The following RPS6KA5 variants were observed in gnomAD, a reference collection of about 807,000 sequenced individuals.
The protein encoded by RPS6KA5 is ribosomal protein S6 kinase A5.
In RPS6KA5, 27 loss-of-function variants were observed where a neutral mutation model predicts 85.5. That is an observed-to-expected ratio of 0.32 (90% CI 0.23 to 0.44). RPS6KA5 has a LOEUF of 0.44. Ranked by LOEUF, RPS6KA5 falls within the 20% of genes least tolerant of loss-of-function variation. The probability of loss-of-function intolerance (pLI) is 1.00; values close to 1 mark genes in which losing one functional copy is unlikely to be tolerated. For missense variants in RPS6KA5, 811 were observed against 980.9 expected, an observed-to-expected ratio of 0.83 and a Z score of 2.31; for synonymous variants, 334 against 348.2, an observed-to-expected ratio of 0.96 and a Z score of 0.46.
rs1230009512 is a variant in RPS6KA5 at position 90,870,602 on chromosome 14, AG to A, written c.*1471del. The stretch of plus-strand genomic sequence containing the variant: ...TGAAATTAATGCTGCTATAACCTCA[AG>A]AAAGGAATAAATAAATATCATGTCC... On this transcript the variant is annotated 3_prime_UTR_variant, in exon 17 of 17. Coordinates refer to ENST00000614987, the MANE Select transcript of RPS6KA5 (RefSeq NM_004755.4). The A allele has an allele frequency of 1.3e-5, 2 of 152,108 alleles. No individual in the cohort carries two copies. Among genetic ancestry groups the A allele is most frequent in the Non-Finnish European group, 2.9e-5 (2 of 67,976 alleles). 9.4% of individuals were successfully genotyped at this position (152,108 alleles called of 1,614,324 possible).
rs535126454 is a variant in RPS6KA5 at position 90,909,677 on chromosome 14, T to A, written c.807-3378A>T. Among the ~76,000 whole-genome samples, 14 of 152,330 alleles carry A rather than the reference T, an allele frequency of 9.2e-5. No individual in the cohort carries two copies. The East Asian group carries it at 2.7e-3, about 29-fold the overall frequency. Reference sequence around the variant, plus strand: ...GATTGCCTAGCCACATATTACAATGTATCATGAAATGAAATTGTTAAAGTG... The same window carrying A: ...GATTGCCTAGCCACATATTACAATGAATCATGAAATGAAATTGTTAAAGTG... On this transcript the variant is annotated intron_variant, in intron 7 of 16. Transcript: ENST00000614987.
At chr14:90,948,845 G>A (rs973528116) in intron 3 of RPS6KA5, among the ~76,000 whole-genome samples, 6 of 152,140 alleles carry the variant, frequency 3.9e-5, no homozygotes, top group Non-Finnish European at 5.9e-5. Flanking sequence ...TTTGAAAAGC[G>A]TATATCCCAA....
At chr14:90,875,433 A>G in intron 14 of RPS6KA5, 73 bp from the exon 15 acceptor site, 1 of 1,361,356 alleles carries the variant, frequency 7.3e-7, no homozygotes, top group Admixed American at 2.2e-5. Context: ...TCCTAATAGT[A>G]ACGTAACTGG....
rs1444569566 is a variant in RPS6KA5 at position 91,060,510 on chromosome 14, C to T, written c.-76G>A. ...ACAGCGGACGCCCGTCCCCTCGCAG[C>T]CGCTGCCGCGGCCCCAGGAGTCGGG... On this transcript the variant is annotated 5_prime_UTR_variant, in exon 1 of 17. Coordinates refer to ENST00000614987, the MANE Select transcript of RPS6KA5 (RefSeq NM_004755.4). 10 of 1,251,242 alleles carry T rather than the reference C, an allele frequency of 8.0e-6. No homozygotes were observed. Among genetic ancestry groups the T allele is most frequent in the African/African-American group, 1.6e-5 (1 of 64,200 alleles). 77.5% of individuals were successfully genotyped at this position (1,251,242 alleles called of 1,614,324 possible).
At chr14:90,958,162 A>ATAC (rs1438146391) in intron 3 of RPS6KA5, among the ~76,000 whole-genome samples, 4 of 152,054 alleles carry the variant, frequency 2.6e-5, no homozygotes, top group Non-Finnish European at 5.9e-5. Context: ...AATAATAATA[A>ATAC]TAATGAATAA....
chr14:90,919,693 AC>A (rs1178086989), intron 7 of RPS6KA5, among the ~76,000 whole-genome samples: 1 of 152,226 alleles, frequency 6.6e-6, no homozygotes. Context: ...ATAATTATAA[AC>A]AAAAATGCAA....
rs532514873 is a variant in RPS6KA5 at position 90,848,801 on chromosome 14, TAAG to T, written c.*23270_*23272del. On this transcript the variant is annotated 3_prime_UTR_variant, in exon 17 of 17. Transcript: ENST00000614987. ...ATCCAAATTGATGTTTACACCAAAA[TAAG>T]AAGAAATCATCTACTCCCAAAGCAA... The T allele has an allele frequency of 6.6e-6, 1 of 152,182 alleles. No homozygotes were observed. The highest frequency in any genetic ancestry group is 2.4e-5 in the African/African-American group (1 of 41,446). 9.4% of individuals were successfully genotyped at this position (152,182 alleles called of 1,614,324 possible).
chr14:91,056,867 C>CTTTTTT (rs34807092), intron 1 of RPS6KA5, among the ~76,000 whole-genome samples: 527 of 38,922 alleles, frequency 0.014, 88 homozygotes, highest in East Asian at 0.043. Flanking sequence ...GCAGTATTAT[C>CTTTTTT]TTTTTTTTTT....
At chr14:91,041,940 CT>C (rs1230031321) in intron 1 of RPS6KA5, among the ~76,000 whole-genome samples, 1 of 151,894 alleles carries the variant, frequency 6.6e-6, no homozygotes, top group African/African-American at 2.4e-5. Context: ...AACAAACAGG[CT>C]TTTTTTTCCC....
chr14:91,010,130 A>C (rs1225690190), intron 1 of RPS6KA5, among the ~76,000 whole-genome samples: 1 of 152,012 alleles, frequency 6.6e-6, no homozygotes, highest in Non-Finnish European at 1.5e-5. Flanking sequence ...TTTTTACTAC[A>C]TTTTTTACTA....
rs111892203 is a variant in RPS6KA5, at chr14:91,014,798, T to C, written c.104-13639A>G. On this transcript the variant is annotated intron_variant, in intron 1 of 16. Transcript: ENST00000614987. ...GCACTATTGTTAAATATTTCAAGTT[T>C]TTACATATTTGCTTTAATAATGTGA... Among the ~76,000 whole-genome samples the C allele has an allele frequency of 4.3e-3, 648 of 152,252 alleles. 4 individuals carry two copies. The highest frequency in any genetic ancestry group is 0.014 in the African/African-American group (598 of 41,566).
intron 1 of RPS6KA5, among the ~76,000 whole-genome samples, chr14:91,044,631 T>C (rs2139911533): frequency 6.6e-6 from 1 of 152,086 alleles, no homozygotes; most frequent in African/African-American, 2.4e-5. Context: ...TCCAGCACTT[T>C]TGGAGGCCGA....
At chr14:91,037,837 C>T (rs550339791) in intron 1 of RPS6KA5, among the ~76,000 whole-genome samples, 7 of 152,332 alleles carry the variant, frequency 4.6e-5, no homozygotes, top group Admixed American at 4.6e-4. Flanking sequence ...CGCCAGCCCA[C>T]TCCAGGCAAG....
At chr14:90,985,441 T>C (rs1282318199) in intron 2 of RPS6KA5, among the ~76,000 whole-genome samples, 1 of 152,374 alleles carries the variant, frequency 6.6e-6, no homozygotes, top group South Asian at 2.1e-4. Flanking sequence ...CTGCTTTACG[T>C]CCTTCCTTGT....
At chr14:90,922,864 A>G (rs2036474467) in intron 6 of RPS6KA5, among the ~76,000 whole-genome samples, 1 of 152,234 alleles carries the variant, frequency 6.6e-6, no homozygotes, top group Non-Finnish European at 1.5e-5. Flanking sequence ...AAAATAAAAC[A>G]CAATTCTCAC....
chr14:90,870,683 A>T lies in RPS6KA5; in HGVS notation c.*1391T>A, dbSNP rs2033040363. 6.6e-6 allele frequency: 1 copy of T among 152,368 alleles called. No individual in the cohort carries two copies. Among genetic ancestry groups the T allele is most frequent in the South Asian group, 2.1e-4 (1 of 4,824 alleles). The allele number at this position is 152,368 out of a possible 1,614,324, so 9.4% of individuals were successfully genotyped here. A position where few individuals can be genotyped will look rare whatever the true frequency, so the allele number is the denominator to read the frequency against. ...CATTAACAAAAACTATAAAATAAAC[A>T]TGTTGGGCATTATCTCTTTAAGCAT... On this transcript the variant is annotated 3_prime_UTR_variant, in exon 17 of 17. Transcript: ENST00000614987.
chr14:91,060,421 CCCT>C lies in RPS6KA5; in HGVS notation c.11_13del (p.Glu4del). 1 of 1,496,644 alleles carries C rather than the reference CCCT, an allele frequency of 6.7e-7. No homozygotes were observed. Among genetic ancestry groups the C allele is most frequent in the Non-Finnish European group, 9.0e-7 (1 of 1,115,376 alleles). 92.7% of individuals were successfully genotyped at this position (1,496,644 alleles called of 1,614,324 possible). A position where few individuals can be genotyped will look rare whatever the true frequency, so the allele number is the denominator to read the frequency against. On this transcript the variant is annotated inframe_deletion, in exon 1 of 17. Transcript: ENST00000614987. ...CCCCGCGGCGCCGCCGCTGCTGCCA[CCCT>C]CCTCCTCCATCTTCTCCTTTTTTTC...
chr14:91,058,113 T>C (rs1036624100), intron 1 of RPS6KA5, among the ~76,000 whole-genome samples: 7 of 152,346 alleles, frequency 4.6e-5, no homozygotes, highest in African/African-American at 1.4e-4. Flanking sequence ...TTATAGATCA[T>C]GTGCTGAAAG....
At chr14:91,057,537 A>G (rs982944122) in intron 1 of RPS6KA5, among the ~76,000 whole-genome samples, 1 of 151,864 alleles carries the variant, frequency 6.6e-6, no homozygotes, top group Admixed American at 6.6e-5. Context: ...CCGTGTGTTA[A>G]CTGTTACTGA....
Sources: allele counts gnomAD v4.1 joint callset (sites outside exome capture counted in the v4.1 genomes callset), GRCh38; gene constraint gnomAD v4.1.1; transcripts MANE v1.5; gene names NCBI Gene and HGNC (gene_info 2026-07-23, HGNC 2026-07-21).